AFG1L: variants seen among roughly 807,000 people sequenced by gnomAD.
AFG1L encodes AFG1 like ATPase.
In AFG1L, 53 loss-of-function variants were observed where a neutral mutation model predicts 62.2. The ratio of observed to expected loss-of-function variants is 0.85; its 90% CI spans 0.68 to 1.07. AFG1L has a LOEUF of 1.07. Ranked by LOEUF, AFG1L falls within the 50% of genes least tolerant of loss-of-function variation. The pLI is 0.00. For missense variants in AFG1L, 555 were observed against 590.5 expected (o/e 0.94, Z 0.62); for synonymous variants, 228 against 210.3 (o/e 1.08, Z -0.73).
chr6:108,334,501 G>A (rs1310218913), intron 2 of AFG1L, among the ~76,000 whole-genome samples: 1 of 151,092 alleles, frequency 6.6e-6, no homozygotes, highest in African/African-American at 2.4e-5. Flanking sequence ...AGATGAGCCT[G>A]GGCATCATGG....
chr6:108,471,609 G>A (rs373576865), intron 8 of AFG1L, among the ~76,000 whole-genome samples: 3 of 150,936 alleles, frequency 2.0e-5, no homozygotes, highest in Non-Finnish European at 3.0e-5. Flanking sequence ...TACAGGTCCC[G>A]CCACCATGCC....
At chr6:108,400,074 C>A (rs1000946474) in intron 6 of AFG1L, among the ~76,000 whole-genome samples, 1 of 152,088 alleles carries the variant, frequency 6.6e-6, no homozygotes. Context: ...CCACTATGCC[C>A]AGCCCTCTTG....
intron 6 of AFG1L, among the ~76,000 whole-genome samples, chr6:108,371,368 G>A (rs1039476421): frequency 6.6e-6 from 1 of 151,980 alleles, no homozygotes; most frequent in Non-Finnish European, 1.5e-5. Context: ...CTTGAGCGCA[G>A]GAGTTTGAGA....
At chr6:108,435,113 G>A (rs1280076558) in intron 7 of AFG1L, among the ~76,000 whole-genome samples, 1 of 152,124 alleles carries the variant, frequency 6.6e-6, no homozygotes, top group Non-Finnish European at 1.5e-5. Flanking sequence ...TAAGATGCCC[G>A]ACATTGGACA....
At chr6:108,492,730 A>T (rs1044475520) in intron 10 of AFG1L, among the ~76,000 whole-genome samples, 7 of 128,774 alleles carry the variant, frequency 5.4e-5, no homozygotes, top group African/African-American at 1.9e-4. Flanking sequence ...TCCCCTTGCC[A>T]GTATTTTTTT....
At chr6:108,354,255 A>G (rs1779182958) in intron 3 of AFG1L, among the ~76,000 whole-genome samples, 3 of 152,038 alleles carry the variant, frequency 2.0e-5, no homozygotes, top group Admixed American at 6.6e-5. Context: ...TTCACAGAGG[A>G]TAGTTCCAGT....
At chr6:108,412,233 C>T (rs1350249770) in intron 7 of AFG1L, among the ~76,000 whole-genome samples, 7 of 152,048 alleles carry the variant, frequency 4.6e-5, no homozygotes, top group African/African-American at 1.7e-4. Flanking sequence ...TAAAAAGCAA[C>T]AAACAAAGCC....
intron 8 of AFG1L, among the ~76,000 whole-genome samples, chr6:108,452,910 C>T (rs1011323141): frequency 6.6e-6 from 1 of 152,136 alleles, no homozygotes; most frequent in Non-Finnish European, 1.5e-5. Context: ...TGCTTTTTGT[C>T]TCGAGGGAGA....
chr6:108,433,538 C>T (rs1446116930), intron 7 of AFG1L, among the ~76,000 whole-genome samples: 1 of 151,754 alleles, frequency 6.6e-6, no homozygotes, highest in African/African-American at 2.4e-5. Flanking sequence ...CCACCCACCT[C>T]GGCCTCCCAA....
intron 8 of AFG1L, among the ~76,000 whole-genome samples, chr6:108,447,569 A>G (rs546831572): frequency 7.9e-5 from 12 of 152,138 alleles, no homozygotes; most frequent in Admixed American, 7.9e-4. Flanking sequence ...TTTATAAGAG[A>G]CTCTATTATT....
At chr6:108,510,386 A>G in intron 11 of AFG1L, 34 bp downstream of exon 11, 2 of 1,548,660 alleles carry the variant, frequency 1.3e-6, no homozygotes, top group Non-Finnish European at 1.8e-6. Flanking sequence ...AAAACTAAAC[A>G]CTTTGTATTG....
chr6:108,402,188 G>T, intron 7 of AFG1L, 134 bp downstream of exon 7: 1 of 447,606 alleles, frequency 2.2e-6, no homozygotes, highest in Non-Finnish European at 4.0e-6. Flanking sequence ...TCAGGGGCCG[G>T]GCACGGTGGC....
At chr6:108,371,805 G>A (rs1443601738) in intron 6 of AFG1L, among the ~76,000 whole-genome samples, 1 of 152,076 alleles carries the variant, frequency 6.6e-6, no homozygotes, top group Non-Finnish European at 1.5e-5. Flanking sequence ...GGCCCAGGCT[G>A]GAGTGCAGGG....
chr6:108,484,084 T>G (rs1480197332), intron 10 of AFG1L, among the ~76,000 whole-genome samples: 1 of 152,208 alleles, frequency 6.6e-6, no homozygotes, highest in South Asian at 2.1e-4. Flanking sequence ...TCTCTACTAC[T>G]TGGCCAAGAG....
Position 108,511,934 on chromosome 6 carries a change from G to A in AFG1L, c.1203+1582G>A, listed in dbSNP as rs72940616. On this transcript the variant is annotated intron_variant, in intron 11 of 12. Coordinates refer to ENST00000368977, the MANE Select transcript of AFG1L (RefSeq NM_145315.5). ...CGTGAATCAGATGTCCACAGAACTC[G>A]ATGTAAAATCACCACTGTGGGATGA... is the stretch of plus-strand genomic sequence containing the variant. 1.3e-3 allele frequency among the ~76,000 whole-genome samples: 192 copies of A among 152,352 alleles called. 1 individual carries two copies. Among genetic ancestry groups the A allele is most frequent in the Non-Finnish European group, 2.4e-3 (164 of 68,030 alleles).
chr6:108,368,117 G>A (rs1421771637), intron 6 of AFG1L, among the ~76,000 whole-genome samples: 2 of 151,662 alleles, frequency 1.3e-5, no homozygotes, highest in Non-Finnish European at 2.9e-5. Context: ...TTAGTCTTAT[G>A]TTGTTCCATT....
At position 108,323,856 on chromosome 6, in the gene AFG1L, C is replaced by T. The variant is rs138317675; in HGVS notation, c.171C>T (p.Thr57=). 12 of 1,613,974 alleles carry T rather than the reference C, an allele frequency of 7.4e-6. No individual in the cohort carries two copies. The African/African-American group carries it at 1.6e-4, about 22-fold the overall frequency. ...CGGTTCAGACATCCGAGAGCATGACCCCAACTGCCACTTCAGAGACTTATT... is the reference window on the plus strand; with the variant it reads ...CGGTTCAGACATCCGAGAGCATGACTCCAACTGCCACTTCAGAGACTTATT... The part of the protein sequence containing the change: ...AYTVQTSESM[T]PTATSETYLK... Residue 57 remains threonine (T), a synonymous_variant, in exon 2 of 13, where the codon ACC becomes ACT. Transcript: ENST00000368977.
chr6:108,323,595 A>G (rs546421736), intron 1 of AFG1L, among the ~76,000 whole-genome samples: 1 of 152,248 alleles, frequency 6.6e-6, no homozygotes, highest in East Asian at 1.9e-4. Flanking sequence ...TCCTGACCTC[A>G]AGTGATCTGC....
At chr6:108,380,277 C>A (rs1780442802) in intron 6 of AFG1L, among the ~76,000 whole-genome samples, 1 of 152,060 alleles carries the variant, frequency 6.6e-6, no homozygotes, top group African/African-American at 2.4e-5. Context: ...CAATCTGTGT[C>A]CAGGAAGGGT....
Sources: allele counts gnomAD v4.1 joint callset (sites outside exome capture counted in the v4.1 genomes callset), GRCh38; gene constraint gnomAD v4.1.1; transcripts MANE v1.5; gene names NCBI Gene and HGNC (gene_info 2026-07-23, HGNC 2026-07-21).